ARHGAP44: variants seen among roughly 807,000 people sequenced by gnomAD.
ARHGAP44 encodes the protein rho GTPase-activating protein 44.
In ARHGAP44, 43 loss-of-function variants were observed where a neutral mutation model predicts 106.8. The observed-to-expected ratio is 0.40, with a 90% CI of 0.32 to 0.52. The LOEUF is 0.52. ARHGAP44 is among the 20% of genes least tolerant of loss of function. ARHGAP44 has a pLI of 0.48. For synonymous variants in ARHGAP44, 439 were observed against 410.3 expected, an observed-to-expected ratio of 1.07 and a Z score of -0.85; for missense variants, 866 against 1,050.5, an observed-to-expected ratio of 0.82 and a Z score of 2.43.
chr17:12,895,432 C>T (rs2037175551), intron 2 of ARHGAP44, among the ~76,000 whole-genome samples: 2 of 152,188 alleles, frequency 1.3e-5, no homozygotes, highest in Admixed American at 1.3e-4. Context: ...TTGCATTTCT[C>T]TGGTGACCAG....
chr17:12,961,734 CA>C (rs879897434), intron 16 of ARHGAP44, among the ~76,000 whole-genome samples: 50 of 144,478 alleles, frequency 3.5e-4, no homozygotes, highest in Middle Eastern at 3.6e-3. Flanking sequence ...ACTCTGTCTC[CA>C]AAAAAAAAAA....
chr17:12,812,010 TG>T (rs929319389), intron 1 of ARHGAP44, among the ~76,000 whole-genome samples: 1 of 152,136 alleles, frequency 6.6e-6, no homozygotes, highest in African/African-American at 2.4e-5. Flanking sequence ...CCATAACTTC[TG>T]GGGGACACAA....
chr17:12,792,183 G>T (rs1047360305), intron 1 of ARHGAP44, among the ~76,000 whole-genome samples: 1 of 151,784 alleles, frequency 6.6e-6, no homozygotes, highest in African/African-American at 2.4e-5. Context: ...TTTTTGCTTG[G>T]CTGAGAATGT....
intron 1 of ARHGAP44, among the ~76,000 whole-genome samples, chr17:12,809,575 A>G (rs977385013): frequency 4.6e-5 from 7 of 152,202 alleles, no homozygotes; most frequent in African/African-American, 1.4e-4. Flanking sequence ...CCATGATTCA[A>G]TTACCTCCCA....
intron 16 of ARHGAP44, among the ~76,000 whole-genome samples, chr17:12,970,265 CTGAGA>C (rs1203269352): frequency 1.3e-5 from 2 of 149,036 alleles, no homozygotes; most frequent in Admixed American, 6.8e-5. Context: ...ACTCAGGAGG[CTGAGA>C]TGAGAAGATC....
intron 1 of ARHGAP44, among the ~76,000 whole-genome samples, chr17:12,828,644 T>TTC (rs2034997082): frequency 6.9e-6 from 1 of 144,708 alleles, no homozygotes; most frequent in Non-Finnish European, 1.5e-5. Context: ...TTCTTTTTTT[T>TTC]TTTTTTTTTT....
chr17:12,856,763 C>T (rs2035922502), intron 1 of ARHGAP44, among the ~76,000 whole-genome samples: 1 of 152,092 alleles, frequency 6.6e-6, no homozygotes, highest in Admixed American at 6.6e-5. Context: ...TAGTCCTGAC[C>T]TCAGGGGTTG....
chr17:12,801,531 ACT>A (rs1043332518), intron 1 of ARHGAP44, among the ~76,000 whole-genome samples: 2 of 152,118 alleles, frequency 1.3e-5, no homozygotes, highest in African/African-American at 4.8e-5. Flanking sequence ...TACTTTAATG[ACT>A]CTGCAGTAGG....
chr17:12,960,429 G>T (rs537596640), intron 16 of ARHGAP44, among the ~76,000 whole-genome samples: 2 of 152,084 alleles, frequency 1.3e-5, no homozygotes, highest in South Asian at 4.2e-4. Flanking sequence ...AGCCGGGAGT[G>T]GTGGCACGCA....
At chr17:12,818,672 A>G (rs1342526419) in intron 1 of ARHGAP44, among the ~76,000 whole-genome samples, 2 of 152,062 alleles carry the variant, frequency 1.3e-5, no homozygotes, top group Non-Finnish European at 1.5e-5. Context: ...ATATTTCTGT[A>G]TACCTGCAGT....
At chr17:12,924,732 C>T (rs1057203798) in intron 6 of ARHGAP44, among the ~76,000 whole-genome samples, 1 of 152,146 alleles carries the variant, frequency 6.6e-6, no homozygotes, top group African/African-American at 2.4e-5. Context: ...TGATCTCTCT[C>T]TCTACACGCA....
intron 1 of ARHGAP44, among the ~76,000 whole-genome samples, chr17:12,841,644 AAACAAAC>A (rs2035409986): frequency 6.6e-6 from 1 of 150,876 alleles, no homozygotes; most frequent in African/African-American, 2.5e-5. Context: ...ACACACAAAC[AAACAAAC>A]AAAAACCACA....
intron 1 of ARHGAP44, among the ~76,000 whole-genome samples, chr17:12,801,332 C>T (rs554983368): frequency 5.9e-5 from 9 of 152,340 alleles, no homozygotes; most frequent in East Asian, 5.8e-4. Flanking sequence ...TGTGCAGTAA[C>T]GGCACAGACC....
intron 8 of ARHGAP44, among the ~76,000 whole-genome samples, chr17:12,942,679 T>C (rs2038741666): frequency 6.6e-6 from 1 of 152,226 alleles, no homozygotes; most frequent in African/African-American, 2.4e-5. Flanking sequence ...GGGATATTAG[T>C]GTCCACCCTC....
intron 5 of ARHGAP44, among the ~76,000 whole-genome samples, chr17:12,916,330 G>T (rs2037913465): frequency 1.3e-5 from 2 of 151,514 alleles, no homozygotes; most frequent in African/African-American, 4.8e-5. Flanking sequence ...AGTCTTCAGT[G>T]CTGTGAACAG....
chr17:12,970,382 A>AG (rs1172412117), intron 16 of ARHGAP44, among the ~76,000 whole-genome samples: 3,921 of 136,034 alleles, frequency 0.029, 209 homozygotes, highest in South Asian at 0.11. Flanking sequence ...AAAAAAAAAA[A>AG]AAAAAAGAAA....
chr17:12,795,836 A>G (rs1420773941), intron 1 of ARHGAP44, among the ~76,000 whole-genome samples: 3 of 152,074 alleles, frequency 2.0e-5, no homozygotes, highest in Non-Finnish European at 4.4e-5. Context: ...CTGGAACTCC[A>G]CCGCCTTTGG....
chr17:12,849,214 C>T lies in ARHGAP44; in HGVS notation c.54-45726C>T, dbSNP rs961687840. On this transcript the variant is annotated intron_variant, in intron 1 of 20. Coordinates refer to ENST00000379672, the MANE Select transcript of ARHGAP44 (RefSeq NM_014859.6). ...GCCAGAGATCTTAAACTGAGGTGGG[C>T]GTGTGTGTGTGTGTGTGTGCGCACA... Among the ~76,000 whole-genome samples the T allele has an allele frequency of 6.7e-5, 10 of 149,280 alleles. No homozygotes were observed. The East Asian group carries it at 1.8e-3, about 27-fold the overall frequency.
At chr17:12,955,805 C>A in intron 13 of ARHGAP44, 62 bp from the exon 14 acceptor site, 1 of 1,001,986 alleles carries the variant, frequency 1.0e-6, no homozygotes, top group South Asian at 1.4e-5. Flanking sequence ...TCTGTCCAGT[C>A]CCCGGGGGAC....
Sources: allele counts gnomAD v4.1 joint callset (sites outside exome capture counted in the v4.1 genomes callset), GRCh38; gene constraint gnomAD v4.1.1; transcripts MANE v1.5; gene names NCBI Gene and HGNC (gene_info 2026-07-23, HGNC 2026-07-21).